MYOT: variants seen among roughly 807,000 people sequenced by gnomAD.
MYOT encodes the protein 57 kDa cytoskeletal protein.
In MYOT, 36 loss-of-function variants were observed where a neutral mutation model predicts 58.0. The observed-to-expected ratio is 0.62, with a 90% CI of 0.48 to 0.82. MYOT has a LOEUF of 0.82. MYOT is among the 40% of genes least tolerant of loss of function. The pLI is 0.00. For synonymous variants in MYOT, 218 were observed against 204.6 expected, an observed-to-expected ratio of 1.07 and a Z score of -0.56; for missense variants, 505 against 592.1, an observed-to-expected ratio of 0.85 and a Z score of 1.53.
chr5:137,886,245 T>A, intron 8 of MYOT, 32 bp downstream of exon 8: 1 of 1,537,072 alleles, frequency 6.5e-7, no homozygotes, highest in Non-Finnish European at 9.0e-7. Flanking sequence ...TTACTATAGT[T>A]TATTTGGGTG....
chr5:137,877,411 G>C (rs1299608744), intron 3 of MYOT, 109 bp from the exon 4 acceptor site: 1 of 559,176 alleles, frequency 1.8e-6, no homozygotes, highest in East Asian at 3.8e-5. Flanking sequence ...TCATTCAATA[G>C]ATAGAACTAT....
intron 3 of MYOT, among the ~76,000 whole-genome samples, chr5:137,876,758 C>G (rs541067704): frequency 2.0e-4 from 31 of 151,986 alleles, no homozygotes; most frequent in African/African-American, 7.2e-4. Context: ...GAGCCAAGAT[C>G]GTGCCACTGC....
chr5:137,884,576 G>A (rs565542045), intron 7 of MYOT, among the ~76,000 whole-genome samples: 7 of 152,190 alleles, frequency 4.6e-5, no homozygotes, highest in South Asian at 2.1e-4. Context: ...AAATATACAA[G>A]TTGAGTATCC....
chr5:137,883,618 A>C, intron 7 of MYOT, 27 bp downstream of exon 7: 2 of 1,592,596 alleles, frequency 1.3e-6, no homozygotes, highest in Non-Finnish European at 1.7e-6. Context: ...ACCCTTGAGA[A>C]TTCCTTAAAA....
intron 4 of MYOT, 32 bp downstream of exon 4, chr5:137,877,653 T>C (rs772178954): frequency 9.3e-5 from 132 of 1,422,504 alleles, no homozygotes; most frequent in Non-Finnish European, 2.3e-5. Flanking sequence ...GGAGTATTTT[T>C]ATTCTGTGCG....
chr5:137,883,386 G>A lies in MYOT; in HGVS notation c.819G>A (p.Val273=), dbSNP rs754913012. 2 of 1,613,796 alleles carry A rather than the reference G, an allele frequency of 1.2e-6. No homozygotes were observed. Among genetic ancestry groups the A allele is most frequent in the South Asian group, 1.1e-5 (1 of 91,050 alleles). ...TCTCCTTGTGTTTTTCTTTCTAGGT[G>A]AGTGGACTGCCAGCTCCTGATGTGT... The part of the protein sequence containing the change: ...EGRFCRMDFK[V]SGLPAPDVSW... Residue 273 remains valine (V), a splice_region_variant and synonymous_variant, in exon 7 of 10, where the codon GTG becomes GTA. Coordinates refer to ENST00000239926, the MANE Select transcript of MYOT (RefSeq NM_006790.3).
In MYOT at chr5:137,877,635, C is replaced by T. The variant is rs754161996; in HGVS notation, c.633+14C>T. The T allele has an allele frequency of 2.6e-6, 4 of 1,537,816 alleles. No individual in the cohort carries two copies. The highest frequency in any genetic ancestry group is 2.7e-5 in the African/African-American group (2 of 73,372). ...CAAGACTCGCAGGTAAGTTAAAATG[C>T]TCTAAGTGGAGTATTTTTATTCTGT... On this transcript the variant is annotated intron_variant, in intron 4 of 9. Transcript: ENST00000239926.
Position 137,886,100 on chromosome 5 carries a change from A to G in MYOT, c.1077A>G (p.Lys359=), listed in dbSNP as rs1755592472. The G allele has an allele frequency of 1.2e-5, 19 of 1,610,774 alleles. No homozygotes were observed. Among genetic ancestry groups the G allele is most frequent in the Non-Finnish European group, 1.6e-5 (19 of 1,177,372 alleles). Residue 359 remains lysine (K), a synonymous_variant, in exon 8 of 10, where the codon AAA becomes AAG. Transcript: ENST00000239926. The part of the protein sequence containing the change: ...PMFIYKPQSK[K]VLEGDSVKLE... ...TTATCTACAAACCACAGAGCAAAAA[A>G]GTTTTAGAGGGAGATTCAGTGAAAC...
intron 7 of MYOT, among the ~76,000 whole-genome samples, chr5:137,884,764 A>G (rs1315727781): frequency 3.9e-5 from 6 of 152,230 alleles, no homozygotes; most frequent in African/African-American, 1.4e-4. Context: ...AGCATTTCAG[A>G]TAATGGATAC....
Position 137,875,847 on chromosome 5 carries a change from T to G in MYOT, c.375T>G (p.Ala125=). The G allele has an allele frequency of 6.2e-7, 1 of 1,614,122 alleles. No individual in the cohort carries two copies. Among genetic ancestry groups the G allele is most frequent in the South Asian group, 1.1e-5 (1 of 91,080 alleles). Residue 125 remains alanine, a synonymous_variant, in exon 3 of 10, where the codon GCT becomes GCG. Coordinates refer to ENST00000239926, the MANE Select transcript of MYOT (RefSeq NM_006790.3). ...TTTAAAGCTATCAACAGTCCTCAGC[T>G]GGCCAACCTATAAATGCAAAGCCAT... The part of the protein sequence containing the change: ...AMDSNYQQSS[A]GQPINAKPSQ...
chr5:137,872,885 C>T (rs1179067858), intron 2 of MYOT, among the ~76,000 whole-genome samples: 2 of 152,132 alleles, frequency 1.3e-5, no homozygotes, highest in African/African-American at 4.8e-5. Flanking sequence ...CCCAGTGCTT[C>T]AATTTTCTGG....
At chr5:137,881,858 G>A in intron 5 of MYOT, 115 bp from the exon 6 acceptor site, 5 of 1,101,220 alleles carry the variant, frequency 4.5e-6, no homozygotes, top group East Asian at 2.6e-5. Flanking sequence ...CTCCAGCCTG[G>A]GCAACAAGAG....
intron 8 of MYOT, among the ~76,000 whole-genome samples, chr5:137,886,433 T>C (rs1755603611): frequency 6.6e-6 from 1 of 152,214 alleles, no homozygotes. Context: ...GACTAGGATT[T>C]ATCTTTTTAT....
chr5:137,870,627 T>G lies in MYOT; in HGVS notation c.-25T>G, dbSNP rs371042995. ...CAAATCATTATAGTAATAATTTGCC[T>G]TCATCTTCCATATACCAACTAAGCA... On this transcript the variant is annotated 5_prime_UTR_variant, in exon 2 of 10. Coordinates refer to ENST00000239926, the MANE Select transcript of MYOT (RefSeq NM_006790.3). The G allele has an allele frequency of 6.9e-6, 11 of 1,598,312 alleles. No homozygotes were observed. The highest frequency in any genetic ancestry group is 9.4e-6 in the Non-Finnish European group (11 of 1,165,760).
rs1459835162 is a variant in MYOT at position 137,886,198 on chromosome 5, A to G, written c.1175A>G (p.Asn392Ser). Residue 392 changes from asparagine (N) to serine (S), a missense_variant, in exon 8 of 10, where the codon AAC (asparagine) becomes AGC (serine). By Grantham distance (46) the Asn-to-Ser change is conservative. Coordinates refer to ENST00000239926, the MANE Select transcript of MYOT (RefSeq NM_006790.3). ...AGAAATAATGAAATGGTACAATTCA[A>G]CACTGACCGAATAAGGTAGGATATG... is the stretch of plus-strand genomic sequence containing the variant. ...WKRNNEMVQF[N>S]TDRISLYQDN... The G allele has an allele frequency of 6.2e-7, 1 of 1,610,274 alleles. No individual in the cohort carries two copies. The highest frequency in any genetic ancestry group is 1.1e-5 in the South Asian group (1 of 90,822).
intron 2 of MYOT, among the ~76,000 whole-genome samples, chr5:137,873,323 TTG>T (rs1475739250): frequency 6.6e-6 from 1 of 151,664 alleles, no homozygotes; most frequent in African/African-American, 2.4e-5. Flanking sequence ...GGTCAGGAGT[TTG>T]AGACCAGCCT....
At chr5:137,876,328 A>G in intron 3 of MYOT, 1 of 355,720 alleles carries the variant, frequency 2.8e-6, no homozygotes, top group Non-Finnish European at 5.2e-6. Flanking sequence ...GTGTACTTTG[A>G]TGTATAACAC....
At chr5:137,875,734 T>A (rs1344550795) in intron 2 of MYOT, 95 bp from the exon 3 acceptor site, 2 of 1,050,292 alleles carry the variant, frequency 1.9e-6, no homozygotes, top group Non-Finnish European at 2.9e-6. Context: ...ATAATACTAG[T>A]AGTACTAAGT....
chr5:137,881,086 G>A (rs2149986176), intron 5 of MYOT, among the ~76,000 whole-genome samples: 1 of 152,214 alleles, frequency 6.6e-6, no homozygotes, highest in South Asian at 2.1e-4. Flanking sequence ...CCAGGATCAT[G>A]CTTCTATATT....
Sources: allele counts gnomAD v4.1 joint callset (sites outside exome capture counted in the v4.1 genomes callset), GRCh38; gene constraint gnomAD v4.1.1; transcripts MANE v1.5; gene names NCBI Gene and HGNC (gene_info 2026-07-23, HGNC 2026-07-21).